The following CSMD2 variants were observed in gnomAD, a reference collection of about 807,000 sequenced individuals.
The protein encoded by CSMD2 is CUB and Sushi multiple domains 2.
Under a neutral mutation model 398.5 loss-of-function variants are expected in CSMD2, and 130 were observed. The observed-to-expected ratio is 0.33, with a 90% CI of 0.28 to 0.38. The LOEUF is 0.38. Ranked by LOEUF, CSMD2 falls within the 10% of genes least tolerant of loss-of-function variation. The pLI, the probability that CSMD2 is intolerant of heterozygous loss-of-function variation, is 1.00. For synonymous variants in CSMD2, 1,828 were observed against 1,908.5 expected, an observed-to-expected ratio of 0.96 and a Z score of 1.10; for missense variants, 3,829 against 4,764.9, an observed-to-expected ratio of 0.80 and a Z score of 5.78.
intron 3 of CSMD2, among the ~76,000 whole-genome samples, chr1:34,011,788 C>A (rs1350837947): frequency 6.6e-6 from 1 of 152,044 alleles, no homozygotes; most frequent in African/African-American, 2.4e-5. Context: ...ACTATAGTTA[C>A]CCTGTTGGGG....
chr1:33,912,416 CCCA>C (rs1643500777), intron 5 of CSMD2, among the ~76,000 whole-genome samples: 2 of 150,172 alleles, frequency 1.3e-5, no homozygotes, highest in African/African-American at 4.9e-5. Flanking sequence ...CATACACCCC[CCCA>C]CACACACTCC....
chr1:33,979,697 ATG>A (rs112461458), intron 3 of CSMD2, among the ~76,000 whole-genome samples: 3 of 151,652 alleles, frequency 2.0e-5, no homozygotes, highest in African/African-American at 7.3e-5. Flanking sequence ...TGTGTGTTTT[ATG>A]TGTGTGTGTG....
At chr1:33,632,930 CAG>C (rs1446003760) in intron 32 of CSMD2, among the ~76,000 whole-genome samples, 8 of 152,054 alleles carry the variant, frequency 5.3e-5, no homozygotes, top group African/African-American at 1.9e-4. Flanking sequence ...AAAAAAATGA[CAG>C]AGAAAAGCTC....
chr1:33,611,449 T>TTC (rs1640999008), intron 40 of CSMD2, among the ~76,000 whole-genome samples, 199 bp from the exon 41 acceptor site: 1 of 152,232 alleles, frequency 6.6e-6, no homozygotes, highest in Non-Finnish European at 1.5e-5. Context: ...CTTAAAAGTG[T>TTC]ATTATTCATT....
chr1:33,955,350 C>G (rs1645132860), intron 3 of CSMD2, among the ~76,000 whole-genome samples: 1 of 152,168 alleles, frequency 6.6e-6, no homozygotes, highest in African/African-American at 2.4e-5. Context: ...GGAGGCTGAG[C>G]ATGGAGCATC....
chr1:33,650,462 G>T (rs987421150), intron 28 of CSMD2, among the ~76,000 whole-genome samples: 2 of 151,998 alleles, frequency 1.3e-5, no homozygotes, highest in African/African-American at 4.8e-5. Context: ...CAGAAACAGA[G>T]GCAAAGTCAT....
chr1:33,913,771 A>G (rs903655400), intron 5 of CSMD2, among the ~76,000 whole-genome samples: 2 of 151,810 alleles, frequency 1.3e-5, no homozygotes, highest in African/African-American at 4.8e-5. Flanking sequence ...TTCCTCTCCT[A>G]TATTCTAGGA....
At chr1:33,832,573 G>A (rs1475731270) in intron 6 of CSMD2, among the ~76,000 whole-genome samples, 6 of 149,928 alleles carry the variant, frequency 4.0e-5, no homozygotes, top group Admixed American at 2.0e-4. Context: ...TGACACCCTA[G>A]CATCACAATT....
intron 9 of CSMD2, chr1:33,814,283 G>C (rs941526999): frequency 2.6e-5 from 4 of 152,058 alleles, no homozygotes; most frequent in African/African-American, 9.7e-5. Context: ...CCACCATACA[G>C]TTGAGCTTTG....
intron 2 of CSMD2, among the ~76,000 whole-genome samples, chr1:34,062,284 CA>C (rs1444897425): frequency 6.6e-6 from 1 of 152,206 alleles, no homozygotes; most frequent in African/African-American, 2.4e-5. Context: ...CATTTGGACC[CA>C]GCCTAAAAAT....
At chr1:33,552,005 T>G (rs1343520317) in intron 55 of CSMD2, among the ~76,000 whole-genome samples, 1 of 152,162 alleles carries the variant, frequency 6.6e-6, no homozygotes, top group Non-Finnish European at 1.5e-5. Context: ...TCGGATCTTC[T>G]AGGCCCACCT....
intron 44 of CSMD2, chr1:33,591,960 C>T: frequency 5.9e-6 from 1 of 170,226 alleles, no homozygotes; most frequent in Non-Finnish European, 1.3e-5. Context: ...TTCTAATTTC[C>T]CTGTTATAAC....
At position 34,085,356 on chromosome 1, in the gene CSMD2, T is replaced by C. The variant is rs545064762; in HGVS notation, c.404+3621A>G. On this transcript the variant is annotated intron_variant, in intron 2 of 70. Coordinates refer to ENST00000373381, the MANE Select transcript of CSMD2 (RefSeq NM_001281956.2). ...GTAACAAACCTGCACGTTGTGCACA[T>C]GTACCCTAAAACTTAAAAGTACAAT... Among the ~76,000 whole-genome samples the C allele has an allele frequency of 6.6e-5, 10 of 150,384 alleles. No homozygotes were observed. In the South Asian group the frequency reaches 2.1e-3, roughly 32 times the overall value.
At chr1:34,080,921 GGAAAGAAAGAAAGAAA>G (rs10522397) in intron 2 of CSMD2, among the ~76,000 whole-genome samples, 2,381 of 125,176 alleles carry the variant, frequency 0.019, 70 homozygotes, top group African/African-American at 0.056. Context: ...CTAACTGAGT[GGAAAGAAAGAAAGAAA>G]GAAAGAAAGA....
intron 6 of CSMD2, among the ~76,000 whole-genome samples, chr1:33,845,174 A>G (rs535400885): frequency 1.3e-5 from 2 of 152,244 alleles, no homozygotes; most frequent in East Asian, 3.8e-4. Context: ...AAGCACCATC[A>G]GAGGAGGCCC....
rs1250583935 is a variant in CSMD2 at position 34,165,178 on chromosome 1, C to G, written c.-81G>C. The G allele has an allele frequency of 8.4e-7, 1 of 1,185,336 alleles. No homozygotes were observed. Among genetic ancestry groups the G allele is most frequent in the Non-Finnish European group, 1.0e-6 (1 of 958,318 alleles). The allele number at this position is 1,185,336 out of a possible 1,614,324, so 73.4% of individuals were successfully genotyped here. A position where few individuals can be genotyped will look rare whatever the true frequency, so the allele number is the denominator to read the frequency against. On this transcript the variant is annotated 5_prime_UTR_variant, in exon 1 of 71. Transcript: ENST00000373381. ...GTCAGGAGAGCTCTGGAGCTTTTTT[C>G]TGCTCGGAAAAAATCCCGGTACGCG...
In CSMD2 at chr1:33,624,770, C is replaced by G; in HGVS notation, c.5501-127G>C. On this transcript the variant is annotated intron_variant, in intron 34 of 70. Transcript: ENST00000373381. The surrounding 1 kb of genome is among the most constrained non-coding windows in gnomAD (Gnocchi z 4.7). The stretch of plus-strand genomic sequence containing the variant: ...CCCCATGGGGGTGTCTCCCTAATGT[C>G]CCCAGTCCTGCCTTCTCCACGGCCT... 1.6e-6 allele frequency: 2 copies of G among 1,284,426 alleles called. No homozygotes were observed. Among genetic ancestry groups the G allele is most frequent in the Non-Finnish European group, 2.1e-6 (2 of 944,314 alleles). 79.6% of individuals were successfully genotyped at this position (1,284,426 alleles called of 1,614,324 possible). A position where few individuals can be genotyped will look rare whatever the true frequency, so the allele number is the denominator to read the frequency against.
chr1:33,672,362 T>G (rs1557706808), intron 25 of CSMD2, among the ~76,000 whole-genome samples: 2 of 152,176 alleles, frequency 1.3e-5, no homozygotes, highest in African/African-American at 4.8e-5. Context: ...CCACGGAGCC[T>G]TGCTAGCACA....
chr1:34,013,008 A>G (rs948205284), intron 3 of CSMD2, among the ~76,000 whole-genome samples: 2 of 152,186 alleles, frequency 1.3e-5, no homozygotes, highest in Non-Finnish European at 2.9e-5. Flanking sequence ...ATTAGCCTTT[A>G]GGAAGAAGCC....
Sources: gnomAD v4.1 joint callset for allele counts (sites outside exome capture counted in the v4.1 genomes callset) on GRCh38, gnomAD v4.1.1 for gene constraint, Gnocchi (gnomAD v3.1) non-coding constraint, MANE v1.5 for transcripts, NCBI Gene and HGNC (gene_info 2026-07-23, HGNC 2026-07-21) for gene names.